Variants in GYS1 observed in about 807,000 individuals in gnomAD.
GYS1 encodes the protein glycogen synthase 1, also known as glycogen [starch] synthase, muscle.
GYS1 carries 60 observed loss-of-function variants against 89.1 expected under a neutral mutation model. The ratio of observed to expected loss-of-function variants is 0.67; its 90% CI spans 0.55 to 0.84. The LOEUF is 0.84. Among genes scored for constraint, GYS1 ranks in the 40% least tolerant of loss-of-function variants. GYS1 has a pLI of 0.00. For synonymous variants in GYS1, 366 were observed against 401.7 expected (o/e 0.91, Z 1.06); for missense variants, 888 against 1,003.1 (o/e 0.89, Z 1.55).
At chr19:48,977,739 C>T (rs975101820) in intron 10 of GYS1, among the ~76,000 whole-genome samples, 185 bp downstream of exon 10, 4 of 152,194 alleles carry the variant, frequency 2.6e-5, no homozygotes, top group Non-Finnish European at 5.9e-5. Context: ...AGTGCCTCGC[C>T]TCCAGCAACT....
chr19:48,980,648 A>G (rs1052152734), intron 8 of GYS1, among the ~76,000 whole-genome samples: 1 of 135,416 alleles, frequency 7.4e-6, no homozygotes, highest in Non-Finnish European at 1.6e-5. Flanking sequence ...GGCAACAGTG[A>G]GACTCTGTTT....
Position 48,968,802 on chromosome 19 carries a change from T to TGG in GYS1, c.*485_*486insCC. Reference sequence around the variant, plus strand: ...TCTGCTCTCAGTTACCTTCAAACTCTGAAAGTGCCCCGGCTCTGGACTTGA... The same window carrying TGG: ...TCTGCTCTCAGTTACCTTCAAACTCTGGGAAAGTGCCCCGGCTCTGGACTTGA... On this transcript the variant is annotated 3_prime_UTR_variant, in exon 16 of 16. Transcript: ENST00000323798. The TGG allele has an allele frequency of 2.2e-6, 1 of 455,352 alleles. No individual in the cohort carries two copies. Among genetic ancestry groups the TGG allele is most frequent in the South Asian group, 1.6e-5 (1 of 64,486 alleles). The allele number at this position is 455,352 out of a possible 1,614,324, so 28.2% of individuals were successfully genotyped here.
chr19:48,991,456 G>A lies in GYS1; in HGVS notation c.146C>T (p.Thr49Met), dbSNP rs748894032. The A allele has an allele frequency of 2.4e-5, 39 of 1,613,894 alleles. No individual in the cohort carries two copies. Among genetic ancestry groups the A allele is most frequent in the Admixed American group, 1.3e-4 (8 of 59,990 alleles). The change falls in exon 2 of 16, where the codon ACG becomes ATG. Residue 49 changes from threonine (T) to methionine (M), a missense_variant. Coordinates refer to ENST00000323798, the MANE Select transcript of GYS1 (RefSeq NM_002103.5). This position sits in a 1 kb window ranked among gnomAD's most constrained non-coding sequence, Gnocchi z 4.7. ...KVGGIYTVLQ[T>M]KAKVTGDEWG... ...TTCGTCCCCTGTCACCTTCGCCTTC[G>A]TCTGCAGCACCGTGTAGATGCCACC...
chr19:48,974,700 T>C lies in GYS1; in HGVS notation c.1342A>G (p.Met448Val). ...QSFPPVCTHN[M>V]LDDSSDPILT... The stretch of plus-strand genomic sequence containing the variant: ...ATGGGGTCTGAGGAGTCATCCAGCA[T>C]ATTGTGGGTGCACACAGGGGGGAAA... Residue 448 changes from methionine to valine, a missense_variant, in exon 11 of 16, where the codon ATG (methionine) becomes GTG (valine). Met to Val is a conservative substitution (Grantham distance 21). Transcript: ENST00000323798. The C allele has an allele frequency of 6.2e-7, 1 of 1,613,802 alleles. No homozygotes were observed. Among genetic ancestry groups the C allele is most frequent in the Non-Finnish European group, 8.5e-7 (1 of 1,179,888 alleles).
intron 2 of GYS1, among the ~76,000 whole-genome samples, chr19:48,990,011 G>GGGA (rs1555800166): frequency 6.6e-6 from 1 of 150,564 alleles, no homozygotes; most frequent in African/African-American, 2.5e-5. Flanking sequence ...GGGGGGGGGG[G>GGGA]GGCTATTCTT....
chr19:48,991,986 C>A lies in GYS1; in HGVS notation c.119-503G>T, dbSNP rs763757511. 1.3e-5 allele frequency among the ~76,000 whole-genome samples: 2 copies of A among 152,084 alleles called. No individual in the cohort carries two copies. Among genetic ancestry groups the A allele is most frequent in the Non-Finnish European group, 2.9e-5 (2 of 67,988 alleles). ...CAAGAGAAGCCTGCATGGTCATTCC[C>A]TGCCCCCAGGGACCTTGCTGACCTG... On this transcript the variant is annotated intron_variant, in intron 1 of 15. Transcript: ENST00000323798. This position sits in a 1 kb window ranked among gnomAD's most constrained non-coding sequence, Gnocchi z 4.7.
At chr19:48,989,158 G>A (rs1273159632) in intron 2 of GYS1, among the ~76,000 whole-genome samples, 1 of 150,532 alleles carries the variant, frequency 6.6e-6, no homozygotes, top group Non-Finnish European at 1.5e-5. Context: ...TCTCACTCCG[G>A]TCACCCAGGC....
intron 12 of GYS1, among the ~76,000 whole-genome samples, chr19:48,971,678 C>A (rs2038567644): frequency 6.6e-6 from 1 of 151,826 alleles, no homozygotes; most frequent in African/African-American, 2.4e-5. Flanking sequence ...CCTTAGCCAC[C>A]CGAGTAGCTG....
At chr19:48,992,578 A>G (rs2038953898) in intron 1 of GYS1, among the ~76,000 whole-genome samples, 1 of 128,406 alleles carries the variant, frequency 7.8e-6, no homozygotes, top group African/African-American at 3.2e-5. Flanking sequence ...TCTCCCAGTC[A>G]GCTCTCTCTC....
In GYS1 at chr19:48,982,391, G is replaced by T; in HGVS notation, c.942-16C>A. Reference sequence around the variant, plus strand: ...GTCCAGATGCCTAAAGAACCCACAAGGCACGGTAAAGCCCAAAGCCCTCAC... The same window carrying T: ...GTCCAGATGCCTAAAGAACCCACAATGCACGGTAAAGCCCAAAGCCCTCAC... On this transcript the variant is annotated splice_polypyrimidine_tract_variant and intron_variant, in intron 6 of 15. Coordinates refer to ENST00000323798, the MANE Select transcript of GYS1 (RefSeq NM_002103.5). 6.2e-7 allele frequency: 1 copy of T among 1,613,618 alleles called. No homozygotes were observed. Among genetic ancestry groups the T allele is most frequent in the South Asian group, 1.1e-5 (1 of 90,990 alleles).
intron 2 of GYS1, among the ~76,000 whole-genome samples, chr19:48,988,662 TG>T: frequency 6.6e-6 from 1 of 152,304 alleles, no homozygotes; most frequent in South Asian, 2.1e-4. Context: ...TCCTCCAGCC[TG>T]GAAGGGAGTG....
chr19:48,984,309 G>C (rs546907390), intron 5 of GYS1, among the ~76,000 whole-genome samples: 1 of 151,582 alleles, frequency 6.6e-6, no homozygotes, highest in African/African-American at 2.4e-5. Context: ...GCCCAGCCAA[G>C]TTATGATTTT....
Position 48,991,532 on chromosome 19 carries a change from C to T in GYS1, c.119-49G>A. The T allele has an allele frequency of 7.6e-7, 1 of 1,310,968 alleles. No individual in the cohort carries two copies. Among genetic ancestry groups the T allele is most frequent in the Non-Finnish European group, 1.1e-6 (1 of 943,656 alleles). The allele number at this position is 1,310,968 out of a possible 1,614,324, so 81.2% of individuals were successfully genotyped here. On this transcript the variant is annotated intron_variant, in intron 1 of 15. Coordinates refer to ENST00000323798, the MANE Select transcript of GYS1 (RefSeq NM_002103.5). This position sits in a 1 kb window ranked among gnomAD's most constrained non-coding sequence, Gnocchi z 4.7. ...CAGGCCCCGGCCGAGGTCCATAGTTCTGGGGCCTGGGGTGGGGTGGGCCGG... is the reference window on the plus strand; with the variant it reads ...CAGGCCCCGGCCGAGGTCCATAGTTTTGGGGCCTGGGGTGGGGTGGGCCGG...
At chr19:48,980,710 T>G (rs2038746818) in intron 8 of GYS1, among the ~76,000 whole-genome samples, 1 of 151,246 alleles carries the variant, frequency 6.6e-6, no homozygotes, top group African/African-American at 2.4e-5. Flanking sequence ...CCAGGCGCAG[T>G]GGCTCACCCC....
At chr19:48,989,749 C>T (rs2038893744) in intron 2 of GYS1, among the ~76,000 whole-genome samples, 1 of 152,124 alleles carries the variant, frequency 6.6e-6, no homozygotes, top group Non-Finnish European at 1.5e-5. Flanking sequence ...TAACATAGCC[C>T]ATCCTCTGTC....
In GYS1 at chr19:48,981,505, A is replaced by G. The variant is rs548145043; in HGVS notation, c.1169+25T>C. Reference sequence around the variant, plus strand: ...CATGCATCTGGGAGTGGGCTGCGCCAGGGGCCGGAGCGAGGGCTGCTAACC... The same window carrying G: ...CATGCATCTGGGAGTGGGCTGCGCCGGGGGCCGGAGCGAGGGCTGCTAACC... On this transcript the variant is annotated intron_variant, in intron 8 of 15. Coordinates refer to ENST00000323798, the MANE Select transcript of GYS1 (RefSeq NM_002103.5). 115 of 1,310,442 alleles carry G rather than the reference A, an allele frequency of 8.8e-5. No homozygotes were observed. The African/African-American group carries it at 9.7e-4, about 11-fold the overall frequency. 81.2% of individuals were successfully genotyped at this position (1,310,442 alleles called of 1,614,324 possible).
chr19:48,970,147 C>G (rs889080349), intron 14 of GYS1: 1 of 498,600 alleles, frequency 2.0e-6, no homozygotes, highest in South Asian at 2.2e-5. Context: ...TTTTTAAACA[C>G]GGTCTTGTTC....
At position 48,968,201 on chromosome 19, in the gene GYS1, C is replaced by G. The variant is rs1193823683; in HGVS notation, c.*1087G>C. The G allele has an allele frequency of 2.2e-6, 1 of 454,068 alleles. No individual in the cohort carries two copies. The highest frequency in any genetic ancestry group is 4.4e-6 in the Non-Finnish European group (1 of 226,796). The allele number at this position is 454,068 out of a possible 1,614,324, so 28.1% of individuals were successfully genotyped here. A position where few individuals can be genotyped will look rare whatever the true frequency, so the allele number is the denominator to read the frequency against. ...CCAATCACACCCCTCCTGCCCTCCCCTCTCAACTGCAAACCAAGCGGTGCA... is the reference window on the plus strand; with the variant it reads ...CCAATCACACCCCTCCTGCCCTCCCGTCTCAACTGCAAACCAAGCGGTGCA... On this transcript the variant is annotated 3_prime_UTR_variant, in exon 16 of 16. Coordinates refer to ENST00000323798, the MANE Select transcript of GYS1 (RefSeq NM_002103.5).
In GYS1 at chr19:48,969,775, C is replaced by A; in HGVS notation, c.1890G>T (p.Ala630=). The stretch of plus-strand genomic sequence containing the variant: ...AAGCAGAAATCCAGGGTCCACTCAC[C>A]GCATCCGCCTCGTTGGGCTCGTAGG... ...HFTYEPNEAD[A]AQGYRYPRPA... The change falls in exon 15 of 16, where the codon GCG becomes GCT. Residue 630 remains alanine (A), a splice_region_variant and synonymous_variant. Transcript: ENST00000323798. 1 of 1,613,526 alleles carries A rather than the reference C, an allele frequency of 6.2e-7. No homozygotes were observed. Among genetic ancestry groups the A allele is most frequent in the South Asian group, 1.1e-5 (1 of 91,084 alleles).
Sources: gnomAD v4.1 joint callset for allele counts (sites outside exome capture counted in the v4.1 genomes callset) on GRCh38, gnomAD v4.1.1 for gene constraint, Gnocchi (gnomAD v3.1) non-coding constraint, MANE v1.5 for transcripts, NCBI Gene and HGNC (gene_info 2026-07-23, HGNC 2026-07-21) for gene names.